Variants in GALNTL6 observed in about 807,000 individuals in gnomAD.
GALNTL6 encodes the protein polypeptide N-acetylgalactosaminyltransferase like 6.
In GALNTL6, 46 loss-of-function variants were observed where a neutral mutation model predicts 73.7. That is an observed-to-expected ratio of 0.62 (90% CI 0.49 to 0.80). The LOEUF is 0.80. GALNTL6 is among the 30% of genes least tolerant of loss of function. GALNTL6 has a pLI of 0.00. For missense variants in GALNTL6, 604 were observed against 755.0 expected (o/e 0.80, Z 2.34); for synonymous variants, 259 against 263.7 (o/e 0.98, Z 0.17).
rs17059039 is a variant in GALNTL6, at chr4:172,948,177, T to G, written c.1150-3860T>G. On this transcript the variant is annotated intron_variant, in intron 9 of 12. Transcript: ENST00000506823. ...GAGAACAGGCATCTATAATCCAAAA[T>G]GTCTAATGAGCCAATGGGGACATTA... Among the ~76,000 whole-genome samples, 779 of 152,322 alleles carry G rather than the reference T, an allele frequency of 5.1e-3. 10 individuals carry two copies. Among genetic ancestry groups the G allele is most frequent in the African/African-American group, 0.018 (749 of 41,568 alleles).
chr4:172,931,259 C>A lies in GALNTL6; in HGVS notation c.1140C>A (p.Ser380Arg). The A allele has an allele frequency of 6.3e-7, 1 of 1,590,582 alleles. No homozygotes were observed. The highest frequency in any genetic ancestry group is 8.6e-7 in the Non-Finnish European group (1 of 1,158,406). Reference sequence around the variant, plus strand: ...CATACAAAGTTCCATCTGGGACAAGCCTGGCAAGAGTGAGTAACTCAGCAT... The same window carrying A: ...CATACAAAGTTCCATCTGGGACAAGACTGGCAAGAGTGAGTAACTCAGCAT... ...YVPYKVPSGT[S>R]LARNLKRVAE... Residue 380 changes from serine (S) to arginine (R), a missense_variant, in exon 9 of 13, where the codon AGC (serine) becomes AGA (arginine). Coordinates refer to ENST00000506823, the MANE Select transcript of GALNTL6 (RefSeq NM_001034845.3).
intron 5 of GALNTL6, among the ~76,000 whole-genome samples, chr4:172,689,606 C>T (rs1218103876): frequency 1.3e-5 from 2 of 152,124 alleles, no homozygotes; most frequent in African/African-American, 4.8e-5. Flanking sequence ...CACATACTGC[C>T]AGCAAGGGAC....
chr4:172,313,558 T>C (rs976673745), intron 4 of GALNTL6, among the ~76,000 whole-genome samples: 4 of 152,182 alleles, frequency 2.6e-5, no homozygotes, highest in Non-Finnish European at 4.4e-5. Context: ...CTATTTTTAG[T>C]GTGAACACCA....
Position 172,593,006 on chromosome 4 carries a change from A to G in GALNTL6, c.554-216355A>G, listed in dbSNP as rs2111004406. Among the ~76,000 whole-genome samples the G allele has an allele frequency of 2.0e-5, 3 of 152,272 alleles. 1 individual carries two copies. In the Middle Eastern group the frequency reaches 0.01, roughly 518 times the overall value. On this transcript the variant is annotated intron_variant, in intron 5 of 12. Transcript: ENST00000506823. ...TGAGTCTAATTCAATTCTAATTAAA[A>G]TAATACTCATTAAGTGCTTCCCCCG...
At chr4:172,270,426 A>G (rs145439713) in intron 3 of GALNTL6, among the ~76,000 whole-genome samples, 48 of 152,286 alleles carry the variant, frequency 3.2e-4, no homozygotes, top group Admixed American at 5.9e-4. Flanking sequence ...TGGTTTTTCA[A>G]CATAGGCTAG....
chr4:172,060,360 GTA>G (rs1731159247), intron 2 of GALNTL6, among the ~76,000 whole-genome samples: 1 of 152,026 alleles, frequency 6.6e-6, no homozygotes, highest in South Asian at 2.1e-4. Flanking sequence ...ATACATACAT[GTA>G]TATGTGTATT....
At chr4:172,749,042 T>C (rs1396865848) in intron 5 of GALNTL6, among the ~76,000 whole-genome samples, 1 of 151,786 alleles carries the variant, frequency 6.6e-6, no homozygotes, top group African/African-American at 2.4e-5. Flanking sequence ...CCCAAGTAGC[T>C]GGGACATAGG....
intron 5 of GALNTL6, among the ~76,000 whole-genome samples, chr4:172,376,222 A>G (rs1425755642): frequency 6.6e-6 from 1 of 152,202 alleles, no homozygotes; most frequent in Non-Finnish European, 1.5e-5. Flanking sequence ...CACCAGAGAC[A>G]GGGAGTGATT....
chr4:172,204,802 C>T (rs1736056804), intron 2 of GALNTL6, among the ~76,000 whole-genome samples: 1 of 152,064 alleles, frequency 6.6e-6, no homozygotes, highest in Non-Finnish European at 1.5e-5. Flanking sequence ...TCATTGTGCT[C>T]CTTTGCCAAC....
intron 5 of GALNTL6, among the ~76,000 whole-genome samples, chr4:172,572,934 T>C (rs1321208830): frequency 7.9e-5 from 12 of 152,140 alleles, no homozygotes; most frequent in Admixed American, 7.2e-4. Flanking sequence ...TTAAAAAGCA[T>C]GAAAACATGC....
At chr4:172,472,012 G>T (rs1733070259) in intron 5 of GALNTL6, among the ~76,000 whole-genome samples, 2 of 152,142 alleles carry the variant, frequency 1.3e-5, no homozygotes, top group South Asian at 4.1e-4. Flanking sequence ...AAGAAATTCA[G>T]GGCTGGTCCC....
intron 2 of GALNTL6, among the ~76,000 whole-genome samples, chr4:172,020,393 T>C (rs532270785): frequency 1.7e-4 from 24 of 143,282 alleles, no homozygotes; most frequent in African/African-American, 6.1e-4. Context: ...TTTTGAAAAG[T>C]TAAACAAAAT....
chr4:171,938,097 T>C (rs1263757979), intron 2 of GALNTL6, among the ~76,000 whole-genome samples: 1 of 152,086 alleles, frequency 6.6e-6, no homozygotes, highest in African/African-American at 2.4e-5. Context: ...AACAGTTGGA[T>C]TTTTTCTTTT....
chr4:172,542,141 A>G (rs968647856), intron 5 of GALNTL6, among the ~76,000 whole-genome samples: 3 of 151,698 alleles, frequency 2.0e-5, no homozygotes, highest in African/African-American at 7.3e-5. Flanking sequence ...CCAAGCAGAA[A>G]GGACCGGCTG....
chr4:172,797,281 C>G (rs1345370395), intron 5 of GALNTL6, among the ~76,000 whole-genome samples: 1 of 152,066 alleles, frequency 6.6e-6, no homozygotes, highest in East Asian at 1.9e-4. Context: ...GAGACAGAGT[C>G]TTGCTCTGTC....
intron 3 of GALNTL6, among the ~76,000 whole-genome samples, chr4:172,237,542 C>T (rs1277416655): frequency 2.0e-5 from 3 of 152,012 alleles, no homozygotes; most frequent in East Asian, 3.9e-4. Context: ...ATGTGTTGTC[C>T]ATTTACTGTG....
At chr4:172,357,721 A>C (rs935757645) in intron 5 of GALNTL6, among the ~76,000 whole-genome samples, 2 of 151,548 alleles carry the variant, frequency 1.3e-5, no homozygotes, top group African/African-American at 2.4e-5. Context: ...TCACAACACA[A>C]AAAAACCTGA....
intron 2 of GALNTL6, among the ~76,000 whole-genome samples, chr4:172,058,249 T>C (rs1346005038): frequency 2.6e-5 from 4 of 152,050 alleles, no homozygotes; most frequent in Non-Finnish European, 4.4e-5. Flanking sequence ...TGAGCCACCA[T>C]GCCTACCCTA....
chr4:172,737,456 TTC>T (rs1225196123), intron 5 of GALNTL6, among the ~76,000 whole-genome samples: 10 of 152,150 alleles, frequency 6.6e-5, no homozygotes, highest in African/African-American at 2.2e-4. Flanking sequence ...GTTGCAAGAT[TTC>T]TGTTTGTCTT....
Sources: allele counts gnomAD v4.1 joint callset (sites outside exome capture counted in the v4.1 genomes callset), GRCh38; gene constraint gnomAD v4.1.1; transcripts MANE v1.5; gene names NCBI Gene and HGNC (gene_info 2026-07-23, HGNC 2026-07-21).